The following ANKH variants were observed in gnomAD, a reference collection of about 807,000 sequenced individuals.
ANKH encodes the protein mineralization regulator ANKH.
A neutral mutation model predicts 49.0 loss-of-function variants in ANKH; 15 were observed. The observed-to-expected ratio is 0.31, with a 90% CI of 0.20 to 0.47. The LOEUF (loss-of-function observed/expected upper bound fraction) is 0.47. ANKH is among the 20% of genes least tolerant of loss of function. The pLI is 1.00. For missense variants in ANKH, 429 were observed against 652.0 expected, an observed-to-expected ratio of 0.66 and a Z score of 3.72; for synonymous variants, 273 against 260.0, an observed-to-expected ratio of 1.05 and a Z score of -0.48.
chr5:14,736,889 T>G (rs1156831639), intron 8 of ANKH, among the ~76,000 whole-genome samples: 2 of 152,208 alleles, frequency 1.3e-5, no homozygotes, highest in African/African-American at 4.8e-5. Context: ...GTGCTTTGCA[T>G]GGATTCTTCT....
intron 8 of ANKH, among the ~76,000 whole-genome samples, chr5:14,721,791 A>G (rs569717457): frequency 1.3e-4 from 20 of 152,082 alleles, no homozygotes; most frequent in East Asian, 3.9e-4. Context: ...TTAGCCAGGC[A>G]TGGTGGCAGG....
In ANKH at chr5:14,755,964, T is replaced by C. The variant is rs1738872345; in HGVS notation, c.433-20A>G. 1 of 1,606,374 alleles carries C rather than the reference T, an allele frequency of 6.2e-7. No homozygotes were observed. Among genetic ancestry groups the C allele is most frequent in the African/African-American group, 1.3e-5 (1 of 74,782 alleles). On this transcript the variant is annotated intron_variant, in intron 3 of 11. Coordinates refer to ENST00000284268, the MANE Select transcript of ANKH (RefSeq NM_054027.6). ...CCATGCCTGCCAGAAAGAAAAGAATTTGGCATGAGATACACCTTCAGGATT... is the reference window on the plus strand; with the variant it reads ...CCATGCCTGCCAGAAAGAAAAGAATCTGGCATGAGATACACCTTCAGGATT...
At chr5:14,766,873 T>C (rs1480779608) in intron 2 of ANKH, among the ~76,000 whole-genome samples, 1 of 152,238 alleles carries the variant, frequency 6.6e-6, no homozygotes, top group Non-Finnish European at 1.5e-5. Flanking sequence ...CAATGGCTTT[T>C]CGAGTCAAAT....
intron 8 of ANKH, among the ~76,000 whole-genome samples, chr5:14,728,142 G>A (rs1004513529): frequency 6.6e-6 from 1 of 152,244 alleles, no homozygotes; most frequent in African/African-American, 2.4e-5. Context: ...AAGGCAGAGG[G>A]AAGGAAGTCA....
intron 1 of ANKH, among the ~76,000 whole-genome samples, chr5:14,845,916 C>T (rs1383129166): frequency 2.3e-5 from 3 of 129,516 alleles, no homozygotes; most frequent in East Asian, 4.5e-4. Flanking sequence ...AGTACAATGG[C>T]GCAATCTCAG....
chr5:14,760,834 C>G (rs1023052068), intron 2 of ANKH, among the ~76,000 whole-genome samples: 2 of 152,182 alleles, frequency 1.3e-5, no homozygotes, highest in Admixed American at 6.5e-5. Flanking sequence ...AAGCTGGGGA[C>G]TATGGAATTG....
intron 1 of ANKH, among the ~76,000 whole-genome samples, chr5:14,850,867 C>T (rs1002428938): frequency 6.6e-6 from 1 of 151,892 alleles, no homozygotes; most frequent in Non-Finnish European, 1.5e-5. Flanking sequence ...GAGCCCTCAT[C>T]GAGTTTTTTT....
rs530981607 is a variant in ANKH, at chr5:14,718,742, G to A, written c.1012-1907C>T. ...GGAGAATCGCTTGAACCCGGGAGAC[G>A]GAGGTTGTGGTGAGCTGAGATGGTG... On this transcript the variant is annotated intron_variant, in intron 8 of 11. Transcript: ENST00000284268. Among the ~76,000 whole-genome samples, 6 of 151,736 alleles carry A rather than the reference G, an allele frequency of 4.0e-5. No homozygotes were observed. The East Asian group carries it at 5.8e-4, about 15-fold the overall frequency.
chr5:14,741,021 G>A (rs1471286482), intron 8 of ANKH, among the ~76,000 whole-genome samples: 2 of 152,118 alleles, frequency 1.3e-5, no homozygotes, highest in South Asian at 4.1e-4. Context: ...TCTTCTTATC[G>A]TCTTTTTCAT....
In ANKH at chr5:14,764,320, G is replaced by A. The variant is rs183597858; in HGVS notation, c.313+4655C>T. Reference sequence around the variant, plus strand: ...TTCTGATTCCTGGCCTCAGGGAGCCGTCATGTGTGCTTCTGTCCCTTCACT... The same window carrying A: ...TTCTGATTCCTGGCCTCAGGGAGCCATCATGTGTGCTTCTGTCCCTTCACT... On this transcript the variant is annotated intron_variant, in intron 2 of 11. Transcript: ENST00000284268. 6.6e-5 allele frequency among the ~76,000 whole-genome samples: 10 copies of A among 152,212 alleles called. No homozygotes were observed. The East Asian group carries it at 1.6e-3, about 24-fold the overall frequency.
rs1335952893 is a variant in ANKH at position 14,707,506 on chromosome 5, A to C, written c.*3691T>G. On this transcript the variant is annotated 3_prime_UTR_variant, in exon 12 of 12. Coordinates refer to ENST00000284268, the MANE Select transcript of ANKH (RefSeq NM_054027.6). ...TTGAGAGTTACGATATGTAATGATTATTCCAACCAGGAGAGAGATCCAGAG... is the reference window on the plus strand; with the variant it reads ...TTGAGAGTTACGATATGTAATGATTCTTCCAACCAGGAGAGAGATCCAGAG... The C allele has an allele frequency of 2.0e-5, 3 of 152,204 alleles. No individual in the cohort carries two copies. The East Asian group carries it at 5.8e-4, about 29-fold the overall frequency. The allele number at this position is 152,204 out of a possible 1,614,324, so 9.4% of individuals were successfully genotyped here. A position where few individuals can be genotyped will look rare whatever the true frequency, so the allele number is the denominator to read the frequency against.
At chr5:14,742,419 C>G (rs1385018555) in intron 7 of ANKH, among the ~76,000 whole-genome samples, 1 of 152,226 alleles carries the variant, frequency 6.6e-6, no homozygotes, top group African/African-American at 2.4e-5. Flanking sequence ...GCCATGACTT[C>G]TCCACTTCTA....
At chr5:14,843,681 C>T (rs991154020) in intron 1 of ANKH, among the ~76,000 whole-genome samples, 8 of 151,974 alleles carry the variant, frequency 5.3e-5, no homozygotes, top group African/African-American at 1.9e-4. Context: ...AAGACTCAAG[C>T]TTAACATGCG....
At chr5:14,796,444 G>T (rs1415540196) in intron 1 of ANKH, among the ~76,000 whole-genome samples, 1 of 98,530 alleles carries the variant, frequency 1.0e-5, no homozygotes, top group Non-Finnish European at 2.0e-5. Context: ...CAACTTGGCG[G>T]TCCCAAGTTA....
At position 14,790,064 on chromosome 5, in the gene ANKH, T is replaced by G. The variant is rs564564157; in HGVS notation, c.97-20873A>C. 3.3e-3 allele frequency among the ~76,000 whole-genome samples: 499 copies of G among 152,334 alleles called. 4 individuals carry two copies. The highest frequency in any genetic ancestry group is 0.012 in the African/African-American group (484 of 41,566). On this transcript the variant is annotated intron_variant, in intron 1 of 11. Transcript: ENST00000284268. Reference sequence around the variant, plus strand: ...CTGTGACAATACAGTTTAGTCTGCTTTAAAGTAAGTCTTATGATACCTTCC... The same window carrying G: ...CTGTGACAATACAGTTTAGTCTGCTGTAAAGTAAGTCTTATGATACCTTCC...
At position 14,871,414 on chromosome 5, in the gene ANKH, G is replaced by C. The variant is rs146119298; in HGVS notation, c.34C>G (p.Pro12Ala). The C allele has an allele frequency of 6.2e-7, 1 of 1,613,430 alleles. No individual in the cohort carries two copies. The change falls in exon 1 of 12, where the codon CCC becomes GCC. Residue 12 changes from proline (P) to alanine (A), a missense_variant. Around this residue, in one of 2 missense-constraint regions of ANKH, gnomAD observed 378 missense variants for 615.3 expected, o/e 0.61. Transcript: ENST00000284268. ...AGGGGCACCAAGAACCGGATCAGGG[G>C]CCAGTAGTGCGTGAGCGCCGGGAAT... ...VKFPALTHYW[P>A]LIRFLVPLGI...
intron 1 of ANKH, among the ~76,000 whole-genome samples, chr5:14,840,900 C>G (rs535272788): frequency 4.6e-5 from 7 of 152,316 alleles, no homozygotes; most frequent in African/African-American, 1.7e-4. Flanking sequence ...CAGGATATTT[C>G]TGAGTGGCGC....
intron 1 of ANKH, among the ~76,000 whole-genome samples, chr5:14,859,053 A>C (rs1315257683): frequency 6.6e-6 from 1 of 152,160 alleles, no homozygotes; most frequent in Non-Finnish European, 1.5e-5. Context: ...TATCATTTTA[A>C]TAATTTTTAA....
At chr5:14,735,951 A>AC (rs973600090) in intron 8 of ANKH, among the ~76,000 whole-genome samples, 16 of 145,220 alleles carry the variant, frequency 1.1e-4, no homozygotes, top group Admixed American at 9.7e-4. Context: ...TCTCCCTTTA[A>AC]CCCCCCACTG....
Sources: gnomAD v4.1 joint callset for allele counts (sites outside exome capture counted in the v4.1 genomes callset) on GRCh38, gnomAD v4.1.1 for gene constraint, gnomAD v4.1.1 regional missense constraint, MANE v1.5 for transcripts, NCBI Gene and HGNC (gene_info 2026-07-23, HGNC 2026-07-21) for gene names.